The following PIK3C2B variants were observed in gnomAD, a reference collection of about 807,000 sequenced individuals.
PIK3C2B encodes the protein phosphatidylinositol-4-phosphate 3-kinase catalytic subunit type 2 beta, also known as phosphatidylinositol 4-phosphate 3-kinase C2 domain-containing subunit beta.
Under a neutral mutation model 184.3 loss-of-function variants are expected in PIK3C2B, and 83 were observed. That is an observed-to-expected ratio of 0.45 (90% CI 0.38 to 0.54). The LOEUF is 0.54. PIK3C2B is among the 20% of genes least tolerant of loss of function. The pLI is 0.00. For synonymous variants in PIK3C2B, 779 were observed against 837.6 expected (o/e 0.93, Z 1.21); for missense variants, 1,736 against 2,113.5 (o/e 0.82, Z 3.50).
At position 204,464,564 on chromosome 1, in the gene PIK3C2B, C is replaced by G. The variant is rs747675278; in HGVS notation, c.1075G>C (p.Gly359Arg). Reference protein sequence around the residue: ...GSDIQDYFLTGYVWSAVTPSP... With the variant: ...GSDIQDYFLTRYVWSAVTPSP... ...GGGGTGACAGCACTCCAGACATAGC[C>G]AGTGAGGAAGTAGTCTTGGATGTCA... Residue 359 changes from glycine to arginine, a missense_variant, in exon 4 of 33, where the codon GGC becomes CGC. Physicochemically the swap from Gly to Arg is moderately radical, Grantham distance 125. This residue lies in a region of PIK3C2B where 609 missense variants were observed against 699.2 expected (regional missense o/e 0.87). Coordinates refer to ENST00000684373, the MANE Select transcript of PIK3C2B (RefSeq NM_001377334.1). 6.2e-7 allele frequency: 1 copy of G among 1,613,964 alleles called. No individual in the cohort carries two copies. The highest frequency in any genetic ancestry group is 8.5e-7 in the Non-Finnish European group (1 of 1,179,980).
At chr1:204,442,114 G>T (rs920439340) in intron 20 of PIK3C2B, among the ~76,000 whole-genome samples, 3 of 152,138 alleles carry the variant, frequency 2.0e-5, no homozygotes, top group Non-Finnish European at 4.4e-5. Context: ...AAGCTGTCAG[G>T]CTTCTAAAAG....
rs765076762 is a variant in PIK3C2B, at chr1:204,431,650, T to C, written c.4280+19A>G. ...CCTCCCCGACATCCCTCTGTGCAGATAGTAAAGGGGGCAGCTACCTGGGCA... is the reference window on the plus strand; with the variant it reads ...CCTCCCCGACATCCCTCTGTGCAGACAGTAAAGGGGGCAGCTACCTGGGCA... On this transcript the variant is annotated intron_variant, in intron 28 of 32. Coordinates refer to ENST00000684373, the MANE Select transcript of PIK3C2B (RefSeq NM_001377334.1). 43 of 1,613,548 alleles carry C rather than the reference T, an allele frequency of 2.7e-5. No homozygotes were observed. Among genetic ancestry groups the C allele is most frequent in the Middle Eastern group, 1.8e-4 (1 of 5,700 alleles).
intron 1 of PIK3C2B, among the ~76,000 whole-genome samples, chr1:204,477,503 C>T (rs1438457500): frequency 2.6e-5 from 4 of 152,166 alleles, no homozygotes; most frequent in Non-Finnish European, 5.9e-5. Context: ...TGGCTGAGGG[C>T]TAGCCGGGGA....
intron 16 of PIK3C2B, among the ~76,000 whole-genome samples, chr1:204,445,528 G>C (rs1653777467): frequency 6.6e-6 from 1 of 151,598 alleles, no homozygotes; most frequent in African/African-American, 2.4e-5. Context: ...CTTGAGCCCA[G>C]GAGGTCGAGG....
At chr1:204,463,861 G>A (rs1476296862) in intron 5 of PIK3C2B, 151 bp downstream of exon 5, 1 of 763,482 alleles carries the variant, frequency 1.3e-6, no homozygotes, top group African/African-American at 1.7e-5. Context: ...TGGGGAAAGT[G>A]CTACGTGGCC....
intron 21 of PIK3C2B, among the ~76,000 whole-genome samples, chr1:204,440,789 T>TATATATATATATATA (rs1558239822): frequency 9.8e-5 from 14 of 142,744 alleles, no homozygotes; most frequent in African/African-American, 3.8e-4. Context: ...ATATATATAT[T>TATATATATATATATA]TTTAGTAGAG....
rs774574692 is a variant in PIK3C2B, at chr1:204,460,364, C to T, written c.1462G>A (p.Val488Ile). The change falls in exon 7 of 33, where the codon GTC becomes ATC. Residue 488 changes from valine to isoleucine, a missense_variant. By Grantham distance (29) the Val-to-Ile change is conservative. This residue lies in a region of PIK3C2B where 609 missense variants were observed against 699.2 expected (regional missense o/e 0.87). Coordinates refer to ENST00000684373, the MANE Select transcript of PIK3C2B (RefSeq NM_001377334.1). ...TTGACAGGCCTCTCTTGGAGATGGA[C>T]GAGGTAGTTCAAGGTGGAGGGGCTC... ...DQSPSTLNYL[V>I]HLQERPVKQT... is the part of the protein sequence containing the mutation. 1.4e-5 allele frequency: 23 copies of T among 1,613,870 alleles called. No individual in the cohort carries two copies. The highest frequency in any genetic ancestry group is 1.3e-4 in the African/African-American group (10 of 74,866).
chr1:204,454,637 C>T (rs199555856), intron 12 of PIK3C2B, 32 bp downstream of exon 12: 72 of 1,610,386 alleles, frequency 4.5e-5, no homozygotes, highest in Middle Eastern at 2.2e-4. Context: ...TCTACAGTGG[C>T]CTGGGCACTG....
intron 1 of PIK3C2B, among the ~76,000 whole-genome samples, chr1:204,481,897 TC>T (rs1657184004): frequency 6.6e-6 from 1 of 152,110 alleles, no homozygotes; most frequent in South Asian, 2.1e-4. Flanking sequence ...TTCAAGCAGT[TC>T]CAGTCTTTCA....
In PIK3C2B at chr1:204,469,647, G is replaced by A. The variant is rs116752498; in HGVS notation, c.156C>T (p.Asn52=). 1,225 of 1,613,708 alleles carry A rather than the reference G, an allele frequency of 7.6e-4. 8 individuals carry two copies. In the Admixed American group the frequency reaches 0.016, roughly 20 times the overall value. Residue 52 remains asparagine, a synonymous_variant, in exon 2 of 33, where the codon AAC becomes AAT. Transcript: ENST00000684373. The part of the protein sequence containing the change: ...HDKEENRAKQ[N]ADPSLISWDE... ...CCCAGCTGATGAGAGAGGGGTCTGC[G>A]TTCTGCTTGGCTCTGTTCTCCTCCT... is the stretch of plus-strand genomic sequence containing the variant.
At position 204,469,861 on chromosome 1, in the gene PIK3C2B, A is replaced by C. The variant is rs1324453613; in HGVS notation, c.-59T>G. On this transcript the variant is annotated 5_prime_UTR_variant, in exon 2 of 33. Coordinates refer to ENST00000684373, the MANE Select transcript of PIK3C2B (RefSeq NM_001377334.1). ...TACTTCCTGCCAACGTCAGTTCTGGAGGGTTGTGACATGGTGTCTGGGCGC... is the reference window on the plus strand; with the variant it reads ...TACTTCCTGCCAACGTCAGTTCTGGCGGGTTGTGACATGGTGTCTGGGCGC... 8 of 1,236,976 alleles carry C rather than the reference A, an allele frequency of 6.5e-6. No individual in the cohort carries two copies. The highest frequency in any genetic ancestry group is 9.5e-6 in the Non-Finnish European group (8 of 844,506). 76.6% of individuals were successfully genotyped at this position (1,236,976 alleles called of 1,614,324 possible).
chr1:204,460,222 G>T, intron 7 of PIK3C2B, 102 bp downstream of exon 7: 1 of 961,138 alleles, frequency 1.0e-6, no homozygotes, highest in Non-Finnish European at 1.6e-6. Context: ...CCTGACACCT[G>T]CAAGAATCCC....
At chr1:204,444,008 T>C in intron 18 of PIK3C2B, 60 bp downstream of exon 18, 1 of 1,185,736 alleles carries the variant, frequency 8.4e-7, no homozygotes, top group Non-Finnish European at 1.3e-6. Flanking sequence ...TGCCTAAGAG[T>C]GAAATACTCC....
chr1:204,491,553 T>C (rs10900592), intron 1 of PIK3C2B, among the ~76,000 whole-genome samples: 92,580 of 152,048 alleles, frequency 0.61, 30,681 homozygotes, highest in Non-Finnish European at 0.72. Context: ...ATTAGCCACA[T>C]GTAGTGGTGC....
chr1:204,473,245 A>C (rs1453382659), intron 1 of PIK3C2B, among the ~76,000 whole-genome samples: 3 of 152,216 alleles, frequency 2.0e-5, no homozygotes, highest in African/African-American at 2.4e-5. Context: ...CCCTGGTCTG[A>C]AGGGTTCTGG....
At chr1:204,454,919 G>T in intron 11 of PIK3C2B, 128 bp from the exon 12 acceptor site, 2 of 1,012,808 alleles carry the variant, frequency 2.0e-6, no homozygotes, top group Non-Finnish European at 1.4e-6. Context: ...CTGTAACACA[G>T]GATCTCCGGA....
In PIK3C2B at chr1:204,427,703, G is replaced by A; in HGVS notation, c.4532C>T (p.Ser1511Phe). 2 of 1,614,084 alleles carry A rather than the reference G, an allele frequency of 1.2e-6. No homozygotes were observed. Among genetic ancestry groups the A allele is most frequent in the Non-Finnish European group, 1.7e-6 (2 of 1,179,936 alleles). ...VGKVGGEVKL[S>F]ISYKNNKLFI... ...GAGTTTATTGTTTTTGTAGGAGATGGACAGCTTCACCTCCCCTCCCACCTT... is the reference window on the plus strand; with the variant it reads ...GAGTTTATTGTTTTTGTAGGAGATGAACAGCTTCACCTCCCCTCCCACCTT... Residue 1511 changes from serine (S) to phenylalanine (F), a missense_variant, in exon 31 of 33, where the codon TCC becomes TTC. By Grantham distance (155) the Ser-to-Phe change is radical. Coordinates refer to ENST00000684373, the MANE Select transcript of PIK3C2B (RefSeq NM_001377334.1).
chr1:204,439,986 T>C (rs538096969), intron 22 of PIK3C2B, among the ~76,000 whole-genome samples: 2 of 151,910 alleles, frequency 1.3e-5, no homozygotes, highest in African/African-American at 2.4e-5. Context: ...CTACACAATA[T>C]GCTTGGCTGT....
At chr1:204,485,094 G>A (rs1389317992) in intron 1 of PIK3C2B, among the ~76,000 whole-genome samples, 2 of 150,704 alleles carry the variant, frequency 1.3e-5, no homozygotes, top group Non-Finnish European at 2.9e-5. Context: ...TGCCATCCAG[G>A]TTGGAGTGAA....
Sources: allele counts gnomAD v4.1 joint callset (sites outside exome capture counted in the v4.1 genomes callset), GRCh38; gene constraint gnomAD v4.1.1; regional missense constraint gnomAD v4.1.1; transcripts MANE v1.5; gene names NCBI Gene and HGNC (gene_info 2026-07-23, HGNC 2026-07-21).